The following PDE10A variants were observed in gnomAD, a reference collection of about 807,000 sequenced individuals.
PDE10A encodes cAMP and cAMP-inhibited cGMP 3',5'-cyclic phosphodiesterase 10A.
In PDE10A, 39 loss-of-function variants were observed where a neutral mutation model predicts 97.7. The observed-to-expected ratio is 0.40, with a 90% CI of 0.31 to 0.52. PDE10A has a LOEUF of 0.52. PDE10A is among the 20% of genes least tolerant of loss of function. The probability of loss-of-function intolerance (pLI) is 0.56; values close to 1 mark genes in which losing one functional copy is unlikely to be tolerated. For synonymous variants in PDE10A, 371 were observed against 376.8 expected (o/e 0.98, Z 0.18); for missense variants, 731 against 1,047.8 (o/e 0.70, Z 4.17).
intron 1 of PDE10A, among the ~76,000 whole-genome samples, chr6:165,600,731 A>G (rs1437635246): frequency 1.3e-5 from 2 of 152,188 alleles, no homozygotes; most frequent in African/African-American, 2.4e-5. Context: ...TATGTGTTGT[A>G]TAACGGCCTT....
chr6:165,568,461 T>C (rs1312718489), intron 1 of PDE10A, among the ~76,000 whole-genome samples: 1 of 152,082 alleles, frequency 6.6e-6, no homozygotes, highest in African/African-American at 2.4e-5. Flanking sequence ...CTGCTCTGAG[T>C]AGCATGATAA....
intron 1 of PDE10A, among the ~76,000 whole-genome samples, chr6:165,916,443 A>G (rs558134082): frequency 2.6e-5 from 4 of 152,376 alleles, no homozygotes; most frequent in African/African-American, 7.2e-5. Context: ...TTCTTCTGCC[A>G]TATTTCAGTG....
chr6:165,625,912 T>C (rs1562640903), intron 1 of PDE10A, among the ~76,000 whole-genome samples: 1 of 152,216 alleles, frequency 6.6e-6, no homozygotes, highest in Admixed American at 6.5e-5. Flanking sequence ...GTTTAATATA[T>C]GATTCGTTGC....
chr6:165,816,430 T>C (rs1195200095), intron 1 of PDE10A, among the ~76,000 whole-genome samples: 1 of 152,234 alleles, frequency 6.6e-6, no homozygotes, highest in Non-Finnish European at 1.5e-5. Context: ...TGAAGCCTGA[T>C]GTCTGTTGAG....
intron 1 of PDE10A, among the ~76,000 whole-genome samples, chr6:165,648,016 C>A (rs1171242772): frequency 6.6e-6 from 1 of 152,232 alleles, no homozygotes; most frequent in Non-Finnish European, 1.5e-5. Flanking sequence ...ATTTGTTTTT[C>A]TTTTTTCTTT....
chr6:165,653,597 C>T (rs1209148194), intron 1 of PDE10A, among the ~76,000 whole-genome samples: 2 of 152,182 alleles, frequency 1.3e-5, no homozygotes, highest in Non-Finnish European at 2.9e-5. Flanking sequence ...CGTCTCCATC[C>T]CGGGGCACAG....
chr6:165,555,057 A>G (rs1366556582), intron 1 of PDE10A, among the ~76,000 whole-genome samples: 1 of 152,200 alleles, frequency 6.6e-6, no homozygotes, highest in Non-Finnish European at 1.5e-5. Flanking sequence ...GGTAGGAATC[A>G]TTAATGGGCA....
At chr6:165,440,454 G>A (rs1790357270) in intron 5 of PDE10A, among the ~76,000 whole-genome samples, 1 of 152,126 alleles carries the variant, frequency 6.6e-6, no homozygotes, top group South Asian at 2.1e-4. Context: ...AGTAACAAAG[G>A]GGCAGGGGGA....
chr6:165,834,219 G>T (rs141182970), intron 1 of PDE10A, among the ~76,000 whole-genome samples: 1 of 152,240 alleles, frequency 6.6e-6, no homozygotes, highest in Non-Finnish European at 1.5e-5. Context: ...GTACCCAGGT[G>T]ACACTCAGGT....
chr6:165,947,364 T>C (rs931986223), intron 1 of PDE10A: 3 of 152,266 alleles, frequency 2.0e-5, no homozygotes, highest in Admixed American at 6.5e-5. Flanking sequence ...ATTGATCATA[T>C]AATCCTTCCA....
At chr6:165,879,066 A>T (rs1402658971) in intron 1 of PDE10A, among the ~76,000 whole-genome samples, 1 of 152,218 alleles carries the variant, frequency 6.6e-6, no homozygotes, top group Non-Finnish European at 1.5e-5. Flanking sequence ...ACTGATGCAG[A>T]TGTCAGTCTG....
rs1411078271 is a variant in PDE10A, at chr6:165,388,538, C to T, written c.2455-85G>A. The T allele has an allele frequency of 1.0e-5, 13 of 1,240,472 alleles. No individual in the cohort carries two copies. Among genetic ancestry groups the T allele is most frequent in the Non-Finnish European group, 1.3e-5 (11 of 854,092 alleles). The allele number at this position is 1,240,472 out of a possible 1,614,324, so 76.8% of individuals were successfully genotyped here. On this transcript the variant is annotated intron_variant, in intron 16 of 21. Coordinates refer to ENST00000539869, the MANE Select transcript of PDE10A (RefSeq NM_001385079.1). This position sits in a 1 kb window ranked among gnomAD's most constrained non-coding sequence, Gnocchi z 4.0. ...TACCGCTTACATTCATGTCACATTA[C>T]TTTCTGGCATTAATATAGCACAAAT... is the stretch of plus-strand genomic sequence containing the variant.
chr6:165,370,609 G>A (rs1340844404), intron 18 of PDE10A, among the ~76,000 whole-genome samples: 3 of 148,818 alleles, frequency 2.0e-5, no homozygotes, highest in Admixed American at 6.6e-5. Context: ...AAGAGACTTA[G>A]ACTCCCACAC....
At chr6:165,528,389 G>T (rs1339356344) in intron 2 of PDE10A, among the ~76,000 whole-genome samples, 1 of 152,198 alleles carries the variant, frequency 6.6e-6, no homozygotes, top group African/African-American at 2.4e-5. Flanking sequence ...TGGCAGGGAT[G>T]GAGGTTACGC....
chr6:165,664,182 G>C (rs1790435667), upstream of PDE10A, among the ~76,000 whole-genome samples: 1 of 152,110 alleles, frequency 6.6e-6, no homozygotes, highest in Admixed American at 6.5e-5. Flanking sequence ...CCAGGCGTGC[G>C]CTACAGTGCA....
chr6:165,790,127 A>G (rs1778607942), intron 1 of PDE10A, among the ~76,000 whole-genome samples: 1 of 152,226 alleles, frequency 6.6e-6, no homozygotes, highest in South Asian at 2.1e-4. Flanking sequence ...GCGTATTTCT[A>G]TAAATATTCA....
intron 2 of PDE10A, among the ~76,000 whole-genome samples, chr6:165,496,848 TAC>T (rs1780566713): frequency 6.6e-6 from 1 of 152,230 alleles, no homozygotes; most frequent in Non-Finnish European, 1.5e-5. Context: ...AACTATTAAA[TAC>T]AGTTTCCAAA....
In PDE10A at chr6:165,450,252, G is replaced by A; in HGVS notation, c.1134C>T (p.Ile378=). Residue 378 remains isoleucine, a synonymous_variant, in exon 4 of 22, where the codon ATC becomes ATT. Coordinates refer to ENST00000539869, the MANE Select transcript of PDE10A (RefSeq NM_001385079.1). ...CAAAATGCTTCTTACCTATTTTAAT[G>A]ATGCTGCTCAGTTCATAGAGGAGTA... ...NQLLLYELSS[I]IKIATKADGF... 6.4e-7 allele frequency: 1 copy of A among 1,555,450 alleles called. No individual in the cohort carries two copies. Among genetic ancestry groups the A allele is most frequent in the African/African-American group, 1.4e-5 (1 of 73,544 alleles).
chr6:165,406,609 T>A (rs220776), intron 13 of PDE10A, among the ~76,000 whole-genome samples: 6 of 151,736 alleles, frequency 4.0e-5, no homozygotes, highest in African/African-American at 1.5e-4. Flanking sequence ...CTCACCGTCT[T>A]TGATGGTTAA....
Sources: allele counts gnomAD v4.1 joint callset (sites outside exome capture counted in the v4.1 genomes callset), GRCh38; gene constraint gnomAD v4.1.1; non-coding constraint Gnocchi (gnomAD v3.1); transcripts MANE v1.5; gene names NCBI Gene and HGNC (gene_info 2026-07-23, HGNC 2026-07-21).